Variants in EYS observed in about 807,000 individuals in gnomAD.
EYS encodes the protein EGF-like photoreceptor maintenance factor.
Under a neutral mutation model 282.1 loss-of-function variants are expected in EYS, and 250 were observed. The observed-to-expected ratio is 0.89, with a 90% CI of 0.80 to 0.98. The LOEUF is 0.98. Ranked by LOEUF, EYS falls within the 50% of genes least tolerant of loss-of-function variation. The pLI, the probability that EYS is intolerant of heterozygous loss-of-function variation, is 0.00. For synonymous variants in EYS, 1,355 were observed against 1,282.9 expected, an observed-to-expected ratio of 1.06 and a Z score of -1.20; for missense variants, 4,016 against 3,709.0, an observed-to-expected ratio of 1.08 and a Z score of -2.15.
In EYS at chr6:64,660,846, C is replaced by G. The variant is rs544137792; in HGVS notation, c.3444-34601G>C. On this transcript the variant is annotated intron_variant, in intron 22 of 42. Coordinates refer to ENST00000503581, the MANE Select transcript of EYS (RefSeq NM_001142800.2). ...TTTATAGATTCAATGCCATCCCCAT[C>G]AAGCTACCAATTACTTTCTTCACAG... 4.6e-5 allele frequency among the ~76,000 whole-genome samples: 7 copies of G among 152,290 alleles called. No individual in the cohort carries two copies. In the South Asian group the frequency reaches 1.2e-3, roughly 27 times the overall value.
At chr6:64,722,786 A>T (rs938203720) in intron 22 of EYS, among the ~76,000 whole-genome samples, 13 of 152,174 alleles carry the variant, frequency 8.5e-5, no homozygotes, top group Non-Finnish European at 1.9e-4. Context: ...TTCAGATATA[A>T]TTCTATTTAA....
At chr6:64,889,726 A>G (rs186779599) in intron 18 of EYS, among the ~76,000 whole-genome samples, 6 of 152,142 alleles carry the variant, frequency 3.9e-5, no homozygotes, top group Non-Finnish European at 5.9e-5. Flanking sequence ...TCTTTACTTT[A>G]ATCTTTTAAT....
At chr6:64,039,520 T>C (rs1409927427) in intron 33 of EYS, among the ~76,000 whole-genome samples, 1 of 152,184 alleles carries the variant, frequency 6.6e-6, no homozygotes, top group Non-Finnish European at 1.5e-5. Context: ...CTATGAATAA[T>C]TCTACTTTTA....
chr6:64,454,965 T>C (rs940182331), intron 26 of EYS, among the ~76,000 whole-genome samples: 3 of 152,220 alleles, frequency 2.0e-5, no homozygotes, highest in African/African-American at 7.2e-5. Context: ...CTTATTAATT[T>C]GTTGCCATTT....
intron 2 of EYS, among the ~76,000 whole-genome samples, chr6:65,531,261 G>A (rs1039914630): frequency 1.3e-5 from 2 of 152,108 alleles, no homozygotes; most frequent in Non-Finnish European, 2.9e-5. Context: ...ATCTCTTAAA[G>A]GAAATGGCTT....
At chr6:64,982,228 T>A (rs1770699643) in intron 14 of EYS, among the ~76,000 whole-genome samples, 1 of 151,330 alleles carries the variant, frequency 6.6e-6, no homozygotes, top group Non-Finnish European at 1.5e-5. Flanking sequence ...AATCAAATAT[T>A]TAAACAAATT....
intron 33 of EYS, among the ~76,000 whole-genome samples, chr6:64,026,047 C>T (rs1371470130): frequency 6.6e-6 from 1 of 152,202 alleles, no homozygotes; most frequent in African/African-American, 2.4e-5. Context: ...CTTCCTTGGT[C>T]CTCCATGTGG....
At chr6:64,855,644 A>G (rs1766036359) in intron 19 of EYS, among the ~76,000 whole-genome samples, 1 of 152,102 alleles carries the variant, frequency 6.6e-6, no homozygotes, top group Admixed American at 6.6e-5. Context: ...AAGAGTTCAT[A>G]GATTATATTA....
intron 36 of EYS, among the ~76,000 whole-genome samples, chr6:63,809,168 C>A (rs1288679265): frequency 3.9e-5 from 6 of 152,142 alleles, no homozygotes; most frequent in Non-Finnish European, 8.8e-5. Context: ...ATAATATAAT[C>A]CATCACTAAG....
intron 40 of EYS, among the ~76,000 whole-genome samples, chr6:63,768,617 C>T (rs902950401): frequency 6.6e-6 from 1 of 152,036 alleles, no homozygotes; most frequent in Non-Finnish European, 1.5e-5. Context: ...CACACTTACA[C>T]ATTGCTAGTG....
intron 26 of EYS, among the ~76,000 whole-genome samples, chr6:64,554,531 A>G (rs1309594360): frequency 2.0e-5 from 3 of 152,096 alleles, no homozygotes; most frequent in Non-Finnish European, 4.4e-5. Flanking sequence ...TAATATACAA[A>G]TGACTTTTAG....
At chr6:64,417,559 G>A (rs1188464460) in intron 28 of EYS, among the ~76,000 whole-genome samples, 2 of 151,836 alleles carry the variant, frequency 1.3e-5, no homozygotes, top group African/African-American at 4.8e-5. Context: ...TGACATTCAG[G>A]AAGAATTTTT....
At chr6:65,388,196 T>C (rs1372209670) in intron 7 of EYS, among the ~76,000 whole-genome samples, 1 of 152,014 alleles carries the variant, frequency 6.6e-6, no homozygotes, top group Non-Finnish European at 1.5e-5. Context: ...AATAAGAATC[T>C]TAGACAAAAC....
At chr6:64,418,020 CAAT>C (rs777241978) in intron 28 of EYS, among the ~76,000 whole-genome samples, 11 of 152,108 alleles carry the variant, frequency 7.2e-5, no homozygotes, top group Non-Finnish European at 1.5e-4. Flanking sequence ...TATAACACAA[CAAT>C]GTTTTTCAAA....
chr6:64,156,146 T>G (rs1002150995), intron 31 of EYS, among the ~76,000 whole-genome samples: 6 of 151,942 alleles, frequency 3.9e-5, no homozygotes, highest in Admixed American at 3.9e-4. Context: ...CTCCCATAAT[T>G]TCCACATGTT....
intron 26 of EYS, among the ~76,000 whole-genome samples, chr6:64,460,034 A>T (rs1024700216): frequency 2.0e-5 from 3 of 151,824 alleles, no homozygotes; most frequent in Non-Finnish European, 4.4e-5. Context: ...ACTTTTATTC[A>T]AATTTTGGAT....
intron 12 of EYS, among the ~76,000 whole-genome samples, chr6:65,224,147 T>C (rs1013160515): frequency 6.6e-6 from 1 of 152,108 alleles, no homozygotes; most frequent in Admixed American, 6.5e-5. Context: ...TAAGTTCACA[T>C]GGAACATCCT....
chr6:64,341,566 A>C (rs537992074), intron 29 of EYS, among the ~76,000 whole-genome samples: 21 of 151,796 alleles, frequency 1.4e-4, no homozygotes, highest in African/African-American at 5.1e-4. Flanking sequence ...AGAGGAGTAC[A>C]TGGGTGGAAA....
chr6:64,138,622 C>G (rs1774240283), intron 31 of EYS, among the ~76,000 whole-genome samples: 1 of 152,092 alleles, frequency 6.6e-6, no homozygotes, highest in Admixed American at 6.6e-5. Context: ...TGGGAGAGTG[C>G]TGCTGATTTA....
Sources: allele counts gnomAD v4.1 joint callset (sites outside exome capture counted in the v4.1 genomes callset), GRCh38; gene constraint gnomAD v4.1.1; transcripts MANE v1.5; gene names NCBI Gene and HGNC (gene_info 2026-07-23, HGNC 2026-07-21).